Variants in XPOT observed in about 807,000 individuals in gnomAD.
XPOT encodes exportin-T.
Under a neutral mutation model 128.2 loss-of-function variants are expected in XPOT, and 34 were observed. That is an observed-to-expected ratio of 0.27 (90% CI 0.20 to 0.35). The LOEUF (loss-of-function observed/expected upper bound fraction) is 0.35. Among genes scored for constraint, XPOT ranks in the 10% least tolerant of loss-of-function variants. XPOT has a pLI of 1.00. For synonymous variants in XPOT, 348 were observed against 394.3 expected (o/e 0.88, Z 1.39); for missense variants, 838 against 1,125.3 (o/e 0.74, Z 3.65).
rs760837452 is a variant in XPOT, at chr12:64,425,925, C to A, written c.1667+16C>A. 8 of 1,602,306 alleles carry A rather than the reference C, an allele frequency of 5.0e-6. No individual in the cohort carries two copies. In the Admixed American group the frequency reaches 1.3e-4, roughly 27 times the overall value. ...AATCTCTCAAGTAAGTATAAAATTG[C>A]AGCTATTATGTTTAGTTATTTTTTA... On this transcript the variant is annotated intron_variant, in intron 15 of 24. Transcript: ENST00000332707.
Position 64,406,379 on chromosome 12 carries a change from T to A in XPOT, c.-75+1575T>A, listed in dbSNP as rs1387648557. ...GTGAGCCACCGTGCCCAGCCAGCAA[T>A]TTTTTTTAGATGGAGTTTCGCTCTC... On this transcript the variant is annotated intron_variant, in intron 1 of 24. Transcript: ENST00000332707. Among the ~76,000 whole-genome samples the A allele has an allele frequency of 6.0e-5, 9 of 150,688 alleles. No individual in the cohort carries two copies. In the East Asian group the frequency reaches 1.8e-3, roughly 29 times the overall value.
At chr12:64,406,169 G>T (rs1282524439) in intron 1 of XPOT, among the ~76,000 whole-genome samples, 2 of 152,006 alleles carry the variant, frequency 1.3e-5, no homozygotes, top group Non-Finnish European at 2.9e-5. Context: ...TCCCCCTCCC[G>T]GGTTCATGCG....
intron 16 of XPOT, among the ~76,000 whole-genome samples, chr12:64,428,714 T>A (rs2040213114): frequency 6.6e-6 from 1 of 152,188 alleles, no homozygotes; most frequent in African/African-American, 2.4e-5. Context: ...TTTTAAAAAA[T>A]TATTTGAAAG....
rs2040182817 is a variant in XPOT at position 64,425,410 on chromosome 12, T to C, written c.1525T>C (p.Tyr509His). The change falls in exon 14 of 25, where the codon TAT (tyrosine) becomes CAT (histidine). Residue 509 changes from tyrosine to histidine, a missense_variant. This residue lies in a region of XPOT where 761 missense variants were observed against 988.3 expected (regional missense o/e 0.77). Transcript: ENST00000332707. ...TLEFFETVVR[Y>H]EKFFTVEPQH... ...GGAGTTCTTCGAAACTGTTGTTAGA[T>C]ATGAAAAGTTTTTCACAGTTGAACC... 6.2e-7 allele frequency: 1 copy of C among 1,613,786 alleles called. No homozygotes were observed. The highest frequency in any genetic ancestry group is 1.3e-5 in the African/African-American group (1 of 74,924).
chr12:64,442,216 G>A (rs1438730363), intron 23 of XPOT, among the ~76,000 whole-genome samples: 1 of 152,086 alleles, frequency 6.6e-6, no homozygotes, highest in East Asian at 1.9e-4. Context: ...CACCTCCCGG[G>A]TTCAAGCAAT....
chr12:64,433,237 C>T (rs1051286132), intron 18 of XPOT, among the ~76,000 whole-genome samples, 177 bp from the exon 19 acceptor site: 17 of 152,164 alleles, frequency 1.1e-4, no homozygotes, highest in Non-Finnish European at 1.8e-4. Flanking sequence ...TGAGCCACTG[C>T]GTCTGGCCTA....
At chr12:64,413,019 C>A (rs2040055024) in intron 2 of XPOT, among the ~76,000 whole-genome samples, 1 of 152,146 alleles carries the variant, frequency 6.6e-6, no homozygotes, top group Admixed American at 6.6e-5. Flanking sequence ...CCTGGAAGTT[C>A]AAGAGTTTTT....
rs1182585728 is a variant in XPOT at position 64,425,899 on chromosome 12, A to C, written c.1657A>C (p.Lys553Gln). 1 of 1,613,804 alleles carries C rather than the reference A, an allele frequency of 6.2e-7. No homozygotes were observed. Among genetic ancestry groups the C allele is most frequent in the Non-Finnish European group, 8.5e-7 (1 of 1,179,768 alleles). ...RTAYLFSRFV[K>Q]SLNKQMNPFI... ...GGCTTACCTGTTTTCTAGATTTGTC[A>C]AATCTCTCAAGTAAGTATAAAATTG... Residue 553 changes from lysine (K) to glutamine (Q), a missense_variant, in exon 15 of 25, where the codon AAA (lysine) becomes CAA (glutamine). Coordinates refer to ENST00000332707, the MANE Select transcript of XPOT (RefSeq NM_007235.6).
chr12:64,412,899 G>C (rs933461324), intron 2 of XPOT, among the ~76,000 whole-genome samples: 1 of 152,186 alleles, frequency 6.6e-6, no homozygotes, highest in African/African-American at 2.4e-5. Flanking sequence ...ACATGGAAGC[G>C]ATGCATAGGG....
rs1454319583 is a variant in XPOT, at chr12:64,421,412, G to A, written c.1021G>A (p.Asp341Asn). The A allele has an allele frequency of 1.2e-6, 2 of 1,614,012 alleles. No homozygotes were observed. The highest frequency in any genetic ancestry group is 8.5e-7 in the Non-Finnish European group (1 of 1,179,954). ...GTTGCAGCTACTAATTCATGAGGATGATGATATTTCTTCTAATATTATTGG... is the reference window on the plus strand; with the variant it reads ...GTTGCAGCTACTAATTCATGAGGATAATGATATTTCTTCTAATATTATTGG... ...LMLQLLIHED[D>N]DISSNIIGFC... is the part of the protein sequence containing the mutation. Residue 341 changes from aspartate to asparagine, a missense_variant, in exon 9 of 25, where the codon GAT (aspartate) becomes AAT (asparagine). By Grantham distance (23) the Asp-to-Asn change is conservative (BLOSUM62 1). Around this residue, in one of 3 missense-constraint regions of XPOT, gnomAD observed 761 missense variants for 988.3 expected, o/e 0.77. Transcript: ENST00000332707.
At chr12:64,446,073 T>C (rs1468134817) in intron 24 of XPOT, among the ~76,000 whole-genome samples, 1 of 152,182 alleles carries the variant, frequency 6.6e-6, no homozygotes, top group Admixed American at 6.5e-5. Flanking sequence ...TGTTTTTGTT[T>C]ATCATTGGGA....
chr12:64,446,215 G>A (rs1360397405), intron 24 of XPOT, among the ~76,000 whole-genome samples: 1 of 152,192 alleles, frequency 6.6e-6, no homozygotes. Flanking sequence ...TGTAACAGTA[G>A]ATCTAGGTAC....
At chr12:64,435,526 T>G in intron 21 of XPOT, 101 bp from the exon 22 acceptor site, 1 of 914,476 alleles carries the variant, frequency 1.1e-6, no homozygotes, top group Middle Eastern at 3.1e-4. Context: ...CTGGAAATAT[T>G]TATTTGAATT....
intron 1 of XPOT, chr12:64,409,743 A>AC (rs2040020374): frequency 3.2e-6 from 1 of 310,764 alleles, no homozygotes; most frequent in Non-Finnish European, 5.9e-6. Context: ...TCAAAAAAAA[A>AC]AATCAGATTT....
chr12:64,413,942 A>G (rs2040064227), intron 2 of XPOT, among the ~76,000 whole-genome samples: 1 of 152,238 alleles, frequency 6.6e-6, no homozygotes, highest in Non-Finnish European at 1.5e-5. Context: ...ATATTTACCA[A>G]TTGAAATTAG....
chr12:64,431,967 A>T lies in XPOT; in HGVS notation c.2262+144A>T, dbSNP rs1016194736. ...AGCCTCATGGATCATATGTATTTTT[A>T]TCATCTGTGGTGTCTGGCACACTGC... On this transcript the variant is annotated intron_variant, in intron 18 of 24. Transcript: ENST00000332707. The T allele has an allele frequency of 3.6e-6, 3 of 836,530 alleles. No homozygotes were observed. The Admixed American group carries it at 8.4e-5, about 23-fold the overall frequency. 51.8% of individuals were successfully genotyped at this position (836,530 alleles called of 1,614,324 possible).
At chr12:64,436,409 G>T (rs1404970821) in intron 22 of XPOT, among the ~76,000 whole-genome samples, 1 of 151,858 alleles carries the variant, frequency 6.6e-6, no homozygotes, top group Non-Finnish European at 1.5e-5. Context: ...ACAGATGCAT[G>T]CTACCACACC....
At chr12:64,415,095 CTT>C (rs374865311) in intron 3 of XPOT, 106 bp downstream of exon 3, 4,013 of 542,114 alleles carry the variant, frequency 7.4e-3, no homozygotes, top group South Asian at 0.012. Flanking sequence ...CATTTTATGA[CTT>C]TTTTTTTTTT....
chr12:64,450,888 G>A lies in XPOT; in HGVS notation c.*2757G>A, dbSNP rs1400773325. ...TTGACCTTATAAGAAAACACTGTGT[G>A]GTATTTTAATGTGGTAAACATGTGA... On this transcript the variant is annotated 3_prime_UTR_variant, in exon 25 of 25. Coordinates refer to ENST00000332707, the MANE Select transcript of XPOT (RefSeq NM_007235.6). 3 of 152,184 alleles carry A rather than the reference G, an allele frequency of 2.0e-5. No homozygotes were observed. The highest frequency in any genetic ancestry group is 4.8e-5 in the African/African-American group (2 of 41,440). 9.4% of individuals were successfully genotyped at this position (152,184 alleles called of 1,614,324 possible). A position where few individuals can be genotyped will look rare whatever the true frequency, so the allele number is the denominator to read the frequency against.
Sources: allele counts gnomAD v4.1 joint callset (sites outside exome capture counted in the v4.1 genomes callset), GRCh38; gene constraint gnomAD v4.1.1; regional missense constraint gnomAD v4.1.1; transcripts MANE v1.5; gene names NCBI Gene and HGNC (gene_info 2026-07-23, HGNC 2026-07-21).